CSMD1: variants seen among roughly 807,000 people sequenced by gnomAD.
CSMD1 encodes the protein CUB and sushi domain-containing protein 1.
A neutral mutation model predicts 417.5 loss-of-function variants in CSMD1; 213 were observed. The ratio of observed to expected loss-of-function variants is 0.51; its 90% CI spans 0.46 to 0.57. The LOEUF is 0.57. Ranked by LOEUF, CSMD1 falls within the 20% of genes least tolerant of loss-of-function variation. The probability of loss-of-function intolerance (pLI) is 0.00; values close to 1 mark genes in which losing one functional copy is unlikely to be tolerated. For synonymous variants in CSMD1, 2,862 were observed against 1,736.8 expected, an observed-to-expected ratio of 1.65 and a Z score of -16.11; for missense variants, 6,923 against 4,529.7, an observed-to-expected ratio of 1.53 and a Z score of -15.17.
intron 1 of CSMD1, among the ~76,000 whole-genome samples, chr8:4,683,383 T>G (rs1347950645): frequency 6.6e-6 from 1 of 152,166 alleles, no homozygotes; most frequent in East Asian, 1.9e-4. Flanking sequence ...CCTCTTGCTC[T>G]CCTTTTCTGA....
At chr8:3,129,427 T>C (rs1170894680) in intron 41 of CSMD1, among the ~76,000 whole-genome samples, 2 of 152,296 alleles carry the variant, frequency 1.3e-5, no homozygotes, top group South Asian at 2.1e-4. Context: ...TGGAACTACA[T>C]AGACATGGCC....
At chr8:4,584,992 C>T (rs1799627185) in intron 2 of CSMD1, among the ~76,000 whole-genome samples, 1 of 151,808 alleles carries the variant, frequency 6.6e-6, no homozygotes, top group African/African-American at 2.4e-5. Context: ...AATCAAACCT[C>T]AACCAGACTC....
intron 5 of CSMD1, among the ~76,000 whole-genome samples, chr8:3,767,965 T>C (rs1255010639): frequency 6.6e-6 from 1 of 152,232 alleles, no homozygotes; most frequent in Non-Finnish European, 1.5e-5. Flanking sequence ...CGTCATGGGA[T>C]GCTGAACTTT....
At chr8:4,324,652 C>T (rs1264728941) in intron 3 of CSMD1, among the ~76,000 whole-genome samples, 3 of 152,210 alleles carry the variant, frequency 2.0e-5, no homozygotes, top group Non-Finnish European at 4.4e-5. Context: ...ACAAACACTG[C>T]TCCTGGAAGA....
intron 68 of CSMD1, among the ~76,000 whole-genome samples, chr8:2,947,603 T>C (rs1317222661): frequency 6.6e-6 from 1 of 152,136 alleles, no homozygotes; most frequent in Non-Finnish European, 1.5e-5. Flanking sequence ...AAACTGATAG[T>C]TCAGGTCAAA....
intron 25 of CSMD1, among the ~76,000 whole-genome samples, chr8:3,287,721 C>T (rs1012464672): frequency 5.3e-5 from 8 of 152,154 alleles, no homozygotes; most frequent in African/African-American, 1.9e-4. Context: ...ATGGGGTTTT[C>T]TCCATATACA....
chr8:4,739,681 CT>C (rs1040910661), intron 1 of CSMD1, among the ~76,000 whole-genome samples: 2 of 152,148 alleles, frequency 1.3e-5, no homozygotes, highest in African/African-American at 4.8e-5. Context: ...GTGTCTATCA[CT>C]TTTTGTCTAG....
intron 2 of CSMD1, among the ~76,000 whole-genome samples, chr8:4,453,365 G>C (rs1047033070): frequency 3.9e-5 from 6 of 152,234 alleles, no homozygotes; most frequent in South Asian, 2.1e-4. Flanking sequence ...GCTGGGATTG[G>C]GGGTCTCCTG....
At chr8:4,473,388 C>T (rs1021559608) in intron 2 of CSMD1, among the ~76,000 whole-genome samples, 1 of 152,130 alleles carries the variant, frequency 6.6e-6, no homozygotes, top group African/African-American at 2.4e-5. Context: ...TGGCTTACCC[C>T]ATTCTCATTG....
chr8:3,871,715 T>C (rs180806449), intron 5 of CSMD1, among the ~76,000 whole-genome samples: 9 of 152,170 alleles, frequency 5.9e-5, no homozygotes, highest in Admixed American at 3.9e-4. Context: ...TCTCAAAAAA[T>C]TGCTTTTGAA....
intron 68 of CSMD1, among the ~76,000 whole-genome samples, chr8:2,944,918 G>T (rs1353042846): frequency 6.6e-6 from 1 of 151,990 alleles, no homozygotes; most frequent in Non-Finnish European, 1.5e-5. Flanking sequence ...ATAATAAAAT[G>T]CTGGAAAATC....
chr8:4,262,727 C>A (rs1803973756), intron 3 of CSMD1, among the ~76,000 whole-genome samples: 1 of 152,152 alleles, frequency 6.6e-6, no homozygotes, highest in South Asian at 2.1e-4. Flanking sequence ...ATCCACTTCC[C>A]TTTTGGCCCT....
chr8:3,032,669 A>G (rs918735791), intron 50 of CSMD1, among the ~76,000 whole-genome samples: 1 of 151,918 alleles, frequency 6.6e-6, no homozygotes, highest in Non-Finnish European at 1.5e-5. Flanking sequence ...GAAGCCTGAA[A>G]ACAGTGTCTT....
At chr8:4,411,349 C>T (rs1563145113) in intron 3 of CSMD1, among the ~76,000 whole-genome samples, 2 of 151,848 alleles carry the variant, frequency 1.3e-5, no homozygotes, top group Admixed American at 1.3e-4. Context: ...ATCAAGAGCA[C>T]CTTGATTTCT....
Position 4,933,963 on chromosome 8 carries a change from C to G in CSMD1, c.85+60369G>C, listed in dbSNP as rs57262984. Among the ~76,000 whole-genome samples the G allele has an allele frequency of 3.9e-5, 6 of 152,064 alleles. No homozygotes were observed. In the East Asian group the frequency reaches 1.2e-3, roughly 29 times the overall value. On this transcript the variant is annotated intron_variant, in intron 1 of 69. Coordinates refer to ENST00000635120, the MANE Select transcript of CSMD1 (RefSeq NM_033225.6). ...CACAATGTATTCATCTTTGCCCACA[C>G]AGTCACTCTCACTCAACAGTTACTT...
chr8:3,813,469 G>A (rs905532784), intron 5 of CSMD1, among the ~76,000 whole-genome samples: 12 of 151,984 alleles, frequency 7.9e-5, no homozygotes, highest in East Asian at 3.9e-4. Context: ...TAGTAATGTC[G>A]TATCTTTTGG....
chr8:3,075,199 G>A (rs1034304184), intron 49 of CSMD1, among the ~76,000 whole-genome samples: 12 of 151,938 alleles, frequency 7.9e-5, no homozygotes, highest in Non-Finnish European at 1.6e-4. Context: ...TCCAGCCGGA[G>A]AAACTGTGAG....
chr8:3,844,561 G>A (rs559401583), intron 5 of CSMD1, among the ~76,000 whole-genome samples: 5 of 152,116 alleles, frequency 3.3e-5, no homozygotes, highest in Non-Finnish European at 7.3e-5. Flanking sequence ...TGGATTTTTA[G>A]GAAAGTAATA....
chr8:3,094,104 T>A (rs980970464), intron 47 of CSMD1, among the ~76,000 whole-genome samples: 37 of 151,062 alleles, frequency 2.4e-4, no homozygotes, highest in African/African-American at 7.7e-4. Context: ...TTTATTTTAT[T>A]TTTTATTTTT....
Sources: allele counts gnomAD v4.1 joint callset (sites outside exome capture counted in the v4.1 genomes callset), GRCh38; gene constraint gnomAD v4.1.1; transcripts MANE v1.5; gene names NCBI Gene and HGNC (gene_info 2026-07-23, HGNC 2026-07-21).